EBF1: variants seen among roughly 807,000 people sequenced by gnomAD.
The protein encoded by EBF1 is transcription factor COE1.
In EBF1, 10 loss-of-function variants were observed where a neutral mutation model predicts 68.4. The ratio of observed to expected loss-of-function variants is 0.15; its 90% CI spans 0.09 to 0.25. The LOEUF is 0.25. EBF1 is among the 10% of genes least tolerant of loss of function. The pLI is 1.00. For synonymous variants in EBF1, 298 were observed against 299.8 expected, an observed-to-expected ratio of 0.99 and a Z score of 0.06; for missense variants, 509 against 794.4, an observed-to-expected ratio of 0.64 and a Z score of 4.32.
At chr5:159,002,770 G>A (rs753365807) in intron 6 of EBF1, among the ~76,000 whole-genome samples, 1 of 152,198 alleles carries the variant, frequency 6.6e-6, no homozygotes, top group Non-Finnish European at 1.5e-5. Flanking sequence ...ACATAGTCAT[G>A]TAAAATGTAA....
At chr5:158,707,909 C>A (rs1758224583) in intron 15 of EBF1, 70 bp downstream of exon 15, 1 of 1,494,882 alleles carries the variant, frequency 6.7e-7, no homozygotes, top group Admixed American at 2.0e-5. Flanking sequence ...GGTGATGCAT[C>A]TGCTTCAGGC....
intron 6 of EBF1, among the ~76,000 whole-genome samples, chr5:158,849,970 C>T (rs1345869098): frequency 6.6e-6 from 1 of 152,230 alleles, no homozygotes; most frequent in African/African-American, 2.4e-5. Context: ...AGCTATCCAT[C>T]TCACACTCTG....
At chr5:158,728,509 T>C (rs2127538833) in intron 11 of EBF1, among the ~76,000 whole-genome samples, 1 of 152,322 alleles carries the variant, frequency 6.6e-6, no homozygotes, top group South Asian at 2.1e-4. Flanking sequence ...CTTTCCTTTC[T>C]TATAAGAAAA....
chr5:159,064,182 A>G (rs961399798), intron 6 of EBF1, among the ~76,000 whole-genome samples: 3 of 152,202 alleles, frequency 2.0e-5, no homozygotes, highest in African/African-American at 2.4e-5. Context: ...GTGTTTATAT[A>G]TATGTGTGTG....
intron 6 of EBF1, among the ~76,000 whole-genome samples, chr5:158,892,757 C>T (rs930043323): frequency 6.6e-6 from 1 of 152,062 alleles, no homozygotes; most frequent in African/African-American, 2.4e-5. Flanking sequence ...CTGAGCAGAC[C>T]TCATGATATG....
chr5:158,866,895 A>G (rs1170504624), intron 6 of EBF1, among the ~76,000 whole-genome samples: 1 of 109,178 alleles, frequency 9.2e-6, no homozygotes, highest in Non-Finnish European at 1.8e-5. Context: ...ATATATATAT[A>G]AAGCCACATA....
chr5:158,739,477 A>G (rs1240016761), intron 10 of EBF1, among the ~76,000 whole-genome samples: 1 of 152,236 alleles, frequency 6.6e-6, no homozygotes, highest in Non-Finnish European at 1.5e-5. Flanking sequence ...TTGAGCAAAC[A>G]GAAGTTGAAT....
At chr5:158,780,063 G>C (rs1285859290) in intron 9 of EBF1, among the ~76,000 whole-genome samples, 2 of 152,178 alleles carry the variant, frequency 1.3e-5, no homozygotes, top group African/African-American at 2.4e-5. Context: ...ATTGACACAT[G>C]ATATTGATGC....
At chr5:158,934,828 A>T (rs1426489024) in intron 6 of EBF1, among the ~76,000 whole-genome samples, 1 of 152,256 alleles carries the variant, frequency 6.6e-6, no homozygotes, top group Non-Finnish European at 1.5e-5. Context: ...AGAAGCAGTA[A>T]GTAAAAATTA....
chr5:158,883,422 G>GTGTGTATATATATACATACATACGTA (rs1562211328), intron 6 of EBF1, among the ~76,000 whole-genome samples: 4 of 144,172 alleles, frequency 2.8e-5, no homozygotes, highest in Non-Finnish European at 4.6e-5. Context: ...ACATACATAC[G>GTGTGTATATATATACATACATACGTA]TATATATATA....
In EBF1 at chr5:158,755,534, C is replaced by T. The variant is rs1056525329; in HGVS notation, c.1036+21879G>A. Among the ~76,000 whole-genome samples the T allele has an allele frequency of 5.3e-5, 8 of 152,084 alleles. No individual in the cohort carries two copies. The East Asian group carries it at 5.8e-4, about 11-fold the overall frequency. On this transcript the variant is annotated intron_variant, in intron 10 of 15. Coordinates refer to ENST00000313708, the MANE Select transcript of EBF1 (RefSeq NM_024007.5). ...AAGGCAGAGAATGAAATTCAAGAGA[C>T]GAATAGACTTCTACTTTAGGAAGTT...
chr5:158,720,402 G>A (rs923652852), intron 11 of EBF1, among the ~76,000 whole-genome samples: 5 of 152,102 alleles, frequency 3.3e-5, no homozygotes, highest in South Asian at 2.1e-4. Context: ...TTCTTTGGAG[G>A]GTAGTTTTAT....
intron 6 of EBF1, among the ~76,000 whole-genome samples, chr5:159,025,585 T>A (rs1767568540): frequency 6.6e-6 from 1 of 152,242 alleles, no homozygotes. Context: ...ATTTGACAGC[T>A]TAACACCCTC....
intron 6 of EBF1, among the ~76,000 whole-genome samples, chr5:158,869,153 C>T (rs1796427858): frequency 6.6e-6 from 1 of 152,152 alleles, no homozygotes; most frequent in Non-Finnish European, 1.5e-5. Flanking sequence ...GACACCAGAA[C>T]TCTGGCCGCC....
At chr5:159,097,176 C>T (rs1390278221) in intron 1 of EBF1, 46 bp from the exon 2 acceptor site, 1 of 1,585,636 alleles carries the variant, frequency 6.3e-7, no homozygotes, top group Admixed American at 1.7e-5. Context: ...GGACGCCGAC[C>T]CGCGCCCCTT....
chr5:158,773,941 T>G (rs1774471284), intron 10 of EBF1, among the ~76,000 whole-genome samples: 1 of 152,174 alleles, frequency 6.6e-6, no homozygotes, highest in East Asian at 1.9e-4. Flanking sequence ...GAAACGATAA[T>G]AGGGCTTTGA....
At position 158,838,067 on chromosome 5, in the gene EBF1, T is replaced by C. The variant is rs61285593; in HGVS notation, c.636+1962A>G. On this transcript the variant is annotated intron_variant, in intron 7 of 15. Coordinates refer to ENST00000313708, the MANE Select transcript of EBF1 (RefSeq NM_024007.5). The stretch of plus-strand genomic sequence containing the variant: ...CTTAATTGCAAAGTTGACTCAAACA[T>C]AACACAAAAAATCCTCTATGGGAAT... Among the ~76,000 whole-genome samples, 712 of 152,140 alleles carry C rather than the reference T, an allele frequency of 4.7e-3. 8 individuals are homozygous for C. The highest frequency in any genetic ancestry group is 0.016 in the African/African-American group (683 of 41,492).
chr5:158,921,501 C>A (rs1338470293), intron 6 of EBF1, among the ~76,000 whole-genome samples: 1 of 152,154 alleles, frequency 6.6e-6, no homozygotes, highest in Non-Finnish European at 1.5e-5. Flanking sequence ...GTGAAATAAC[C>A]TTTCTTTAAT....
intron 15 of EBF1, among the ~76,000 whole-genome samples, chr5:158,706,585 T>G (rs913571540): frequency 8.5e-5 from 13 of 152,164 alleles, no homozygotes; most frequent in Non-Finnish European, 1.8e-4. Context: ...ATGCATGTAC[T>G]TGTACATAAG....
Sources: allele counts gnomAD v4.1 joint callset (sites outside exome capture counted in the v4.1 genomes callset), GRCh38; gene constraint gnomAD v4.1.1; transcripts MANE v1.5; gene names NCBI Gene and HGNC (gene_info 2026-07-23, HGNC 2026-07-21).